The following NRXN1 variants were observed in gnomAD, a reference collection of about 807,000 sequenced individuals.
The protein encoded by NRXN1 is neurexin-1.
Under a neutral mutation model 150.9 loss-of-function variants are expected in NRXN1, and 39 were observed. That is an observed-to-expected ratio of 0.26 (90% CI 0.20 to 0.34). The LOEUF (loss-of-function observed/expected upper bound fraction) is 0.34. Among genes scored for constraint, NRXN1 ranks in the 10% least tolerant of loss-of-function variants. The pLI is 1.00. For missense variants in NRXN1, 1,815 were observed against 1,949.9 expected (o/e 0.93, Z 1.30); for synonymous variants, 924 against 757.0 (o/e 1.22, Z -3.62).
chr2:50,993,452 C>T (rs1698841159), intron 2 of NRXN1, among the ~76,000 whole-genome samples: 1 of 151,712 alleles, frequency 6.6e-6, no homozygotes, highest in African/African-American at 2.4e-5. Flanking sequence ...TCTATTAACT[C>T]AGCCATTCAC....
At chr2:50,321,638 T>C (rs1378266525) in intron 17 of NRXN1, among the ~76,000 whole-genome samples, 1 of 152,140 alleles carries the variant, frequency 6.6e-6, no homozygotes, top group East Asian at 1.9e-4. Flanking sequence ...TTTTAAAAGA[T>C]AGCAAATGAG....
chr2:50,584,659 T>C (rs1183141874), intron 8 of NRXN1, among the ~76,000 whole-genome samples: 1 of 152,182 alleles, frequency 6.6e-6, no homozygotes, highest in Non-Finnish European at 1.5e-5. Context: ...CTCCTCATAG[T>C]TTAAGGGTTC....
At chr2:50,325,300 C>G (rs529946130) in intron 17 of NRXN1, among the ~76,000 whole-genome samples, 25 of 152,226 alleles carry the variant, frequency 1.6e-4, no homozygotes, top group Non-Finnish European at 3.2e-4. Context: ...AAGATGAGTG[C>G]TGATATAAAG....
chr2:50,926,683 AAC>A (rs1439679228), intron 2 of NRXN1, among the ~76,000 whole-genome samples: 1 of 151,920 alleles, frequency 6.6e-6, no homozygotes, highest in East Asian at 1.9e-4. Flanking sequence ...GTGATTTAAA[AAC>A]TTTGTACTTC....
At chr2:50,292,537 A>G (rs2073058884) in intron 17 of NRXN1, among the ~76,000 whole-genome samples, 1 of 152,160 alleles carries the variant, frequency 6.6e-6, no homozygotes, top group Non-Finnish European at 1.5e-5. Context: ...AGTCAGATCC[A>G]TTGTCCCCAC....
chr2:49,926,289 T>A lies in NRXN1; in HGVS notation c.4217-4038A>T, dbSNP rs149476418. 5 of 398,412 alleles carry A rather than the reference T, an allele frequency of 1.3e-5. No homozygotes were observed. The South Asian group carries it at 5.1e-4, about 41-fold the overall frequency. 24.7% of individuals were successfully genotyped at this position (398,412 alleles called of 1,614,324 possible). Reference sequence around the variant, plus strand: ...TCTTGCACTTATAAAGCATGTTACCTTAAAGGACCACTGAAAAGTAGTTTT... The same window carrying A: ...TCTTGCACTTATAAAGCATGTTACCATAAAGGACCACTGAAAAGTAGTTTT... On this transcript the variant is annotated intron_variant, in intron 22 of 22. Transcript: ENST00000401669.
rs185962497 is a variant in NRXN1 at position 50,328,530 on chromosome 2, T to G, written c.3365-91560A>C. Among the ~76,000 whole-genome samples the G allele has an allele frequency of 1.5e-4, 23 of 151,868 alleles. No individual in the cohort carries two copies. The South Asian group carries it at 3.3e-3, about 22-fold the overall frequency. ...AGTGGGTGAATCACGAGGTCAGGAG[T>G]TCGAGACCAGCCTGGCCAACAGGGT... is the stretch of plus-strand genomic sequence containing the variant. On this transcript the variant is annotated intron_variant, in intron 17 of 22. Transcript: ENST00000401669.
intron 17 of NRXN1, among the ~76,000 whole-genome samples, chr2:50,345,208 A>T (rs979133334): frequency 6.6e-6 from 1 of 152,226 alleles, no homozygotes; most frequent in African/African-American, 2.4e-5. Context: ...AGAAAGGAAC[A>T]AATTCCTAGA....
At chr2:50,486,237 T>A (rs1018769225) in intron 15 of NRXN1, among the ~76,000 whole-genome samples, 1 of 152,172 alleles carries the variant, frequency 6.6e-6, no homozygotes, top group African/African-American at 2.4e-5. Flanking sequence ...CATATAGGCA[T>A]GCATAAATGA....
At chr2:50,737,603 G>T (rs911635475) in intron 5 of NRXN1, among the ~76,000 whole-genome samples, 1 of 152,070 alleles carries the variant, frequency 6.6e-6, no homozygotes, top group South Asian at 2.1e-4. Flanking sequence ...GTGACTATTT[G>T]GGGGAGGAGG....
chr2:50,894,094 TG>T (rs1293235536), intron 5 of NRXN1, among the ~76,000 whole-genome samples: 3 of 151,084 alleles, frequency 2.0e-5, no homozygotes, highest in African/African-American at 7.3e-5. Context: ...TGTTGTGGGT[TG>T]GGGGGAGGGG....
Position 50,821,494 on chromosome 2 carries a change from A to G in NRXN1, c.832+100375T>C, listed in dbSNP as rs574499679. ...ATCTGCAAAATGGAAATAAGAATAT[A>G]TCCTTCATAAGACTGTAGTGATTAA... On this transcript the variant is annotated intron_variant, in intron 5 of 22. Transcript: ENST00000401669. Among the ~76,000 whole-genome samples the G allele has an allele frequency of 4.6e-5, 7 of 152,288 alleles. No homozygotes were observed. The East Asian group carries it at 9.7e-4, about 21-fold the overall frequency.
intron 17 of NRXN1, among the ~76,000 whole-genome samples, chr2:50,451,102 G>A (rs1452527557): frequency 6.6e-6 from 1 of 152,052 alleles, no homozygotes; most frequent in African/African-American, 2.4e-5. Context: ...AGGTAGCTGG[G>A]ACTACAGGTG....
intron 2 of NRXN1, among the ~76,000 whole-genome samples, chr2:50,956,879 T>A (rs1692369742): frequency 6.6e-6 from 1 of 152,116 alleles, no homozygotes; most frequent in South Asian, 2.1e-4. Context: ...AGCCCCAGTT[T>A]ACATACACGG....
rs59474118 is a variant in NRXN1 at position 50,638,884 on chromosome 2, T to G, written c.833-15269A>C. On this transcript the variant is annotated intron_variant, in intron 5 of 22. Coordinates refer to ENST00000401669, the MANE Select transcript of NRXN1 (RefSeq NM_001330078.2). ...TAAAGAGATCTTCCATTCAAGGGCT[T>G]TGAAAAATTTCTTCCCAGTTACCCA... Among the ~76,000 whole-genome samples the G allele has an allele frequency of 8.3e-3, 1,269 of 152,260 alleles. 48 individuals are homozygous for G. In the East Asian group the frequency reaches 0.1, roughly 12 times the overall value.
intron 21 of NRXN1, among the ~76,000 whole-genome samples, chr2:49,991,224 C>A (rs1306661385): frequency 6.6e-6 from 1 of 151,958 alleles, no homozygotes; most frequent in East Asian, 1.9e-4. Context: ...ATGGGAATTA[C>A]TAGCTACTGC....
chr2:50,251,216 G>A (rs1044969669), intron 17 of NRXN1, among the ~76,000 whole-genome samples: 1 of 151,922 alleles, frequency 6.6e-6, no homozygotes, highest in Non-Finnish European at 1.5e-5. Flanking sequence ...ACTGTGGTGA[G>A]CTCCCCTTCC....
intron 17 of NRXN1, among the ~76,000 whole-genome samples, chr2:50,259,742 A>C (rs2068061493): frequency 6.6e-6 from 1 of 151,850 alleles, no homozygotes; most frequent in African/African-American, 2.4e-5. Context: ...TTTTTTCCAA[A>C]AATGTTAAGA....
chr2:50,737,533 G>A (rs1363200653), intron 5 of NRXN1, among the ~76,000 whole-genome samples: 2 of 152,180 alleles, frequency 1.3e-5, no homozygotes, highest in South Asian at 2.1e-4. Context: ...AACCCAGGTT[G>A]TAGTCATTTC....
Sources: gnomAD v4.1 joint callset for allele counts (sites outside exome capture counted in the v4.1 genomes callset) on GRCh38, gnomAD v4.1.1 for gene constraint, MANE v1.5 for transcripts, NCBI Gene and HGNC (gene_info 2026-07-23, HGNC 2026-07-21) for gene names.